Variants in SS18L2 observed in about 807,000 individuals in gnomAD.
SS18L2 encodes SS18-like protein 2.
Under a neutral mutation model 10.3 loss-of-function variants are expected in SS18L2, and 8 were observed. The observed-to-expected ratio is 0.78, with a 90% CI of 0.46 to 1.41. SS18L2 has a LOEUF of 1.41. Among genes scored for constraint, SS18L2 ranks in the 40% most tolerant of loss-of-function variants. SS18L2 has a pLI of 0.00. For synonymous variants in SS18L2, 41 were observed against 34.6 expected, an observed-to-expected ratio of 1.19 and a Z score of -0.65; for missense variants, 100 against 96.2, an observed-to-expected ratio of 1.04 and a Z score of -0.17.
intron 2 of SS18L2, among the ~76,000 whole-genome samples, chr3:42,591,810 T>C (rs1317873289): frequency 2.0e-5 from 3 of 152,326 alleles, no homozygotes; most frequent in South Asian, 2.1e-4. Context: ...TGGCTCTTTC[T>C]TCAAAATGTG....
At chr3:42,585,198 G>C (rs1032346046) in intron 1 of SS18L2, among the ~76,000 whole-genome samples, 1 of 152,196 alleles carries the variant, frequency 6.6e-6, no homozygotes, top group Non-Finnish European at 1.5e-5. Flanking sequence ...AACTTGTGGT[G>C]CGAGTGCTTT....
chr3:42,591,196 C>CCTT, intron 1 of SS18L2: 1 of 523,792 alleles, frequency 1.9e-6, no homozygotes, highest in South Asian at 2.3e-5. Context: ...CTAACCCTTT[C>CCTT]TCTCCTTTTT....
At chr3:42,584,930 C>A (rs1704563026) in intron 1 of SS18L2, among the ~76,000 whole-genome samples, 1 of 152,046 alleles carries the variant, frequency 6.6e-6, no homozygotes, top group African/African-American at 2.4e-5. Context: ...GGTCAGGGAC[C>A]AGCCTGTCCA....
intron 1 of SS18L2, among the ~76,000 whole-genome samples, chr3:42,583,188 A>G (rs867259417): frequency 3.9e-5 from 6 of 152,364 alleles, no homozygotes; most frequent in Middle Eastern, 6.8e-3. Context: ...TTTGGCTGCT[A>G]AAGTGCAGAT....
At chr3:42,589,828 G>A (rs1162889550), upstream of SS18L2, among the ~76,000 whole-genome samples, 1 of 152,202 alleles carries the variant, frequency 6.6e-6, no homozygotes, top group Non-Finnish European at 1.5e-5. Flanking sequence ...GGGGACCACT[G>A]GTCTAGAAGA....
chr3:42,590,713 C>T, upstream of SS18L2: 2 of 671,862 alleles, frequency 3.0e-6, no homozygotes, highest in South Asian at 1.7e-5. Flanking sequence ...ACGAAAACGC[C>T]CCCGGCGTTC....
chr3:42,586,839 G>A (rs746213879), upstream of SS18L2, among the ~76,000 whole-genome samples: 5 of 152,098 alleles, frequency 3.3e-5, no homozygotes, highest in African/African-American at 9.7e-5. Flanking sequence ...CCTCAACATC[G>A]TTTGACATCA....
chr3:42,590,726 G>A (rs1704791927), upstream of SS18L2: 1 of 716,336 alleles, frequency 1.4e-6, no homozygotes, highest in East Asian at 2.5e-5. Flanking sequence ...CGGCGTTCTG[G>A]GGGCTGGGAC....
chr3:42,582,548 T>C (rs1704453127), intron 1 of SS18L2, among the ~76,000 whole-genome samples: 1 of 152,240 alleles, frequency 6.6e-6, no homozygotes, highest in African/African-American at 2.4e-5. Flanking sequence ...ATTTAGCAAG[T>C]ATTGAGCACC....
intron 2 of SS18L2, among the ~76,000 whole-genome samples, chr3:42,592,038 A>C (rs1406508004): frequency 1.3e-5 from 2 of 152,188 alleles, no homozygotes; most frequent in Non-Finnish European, 2.9e-5. Flanking sequence ...TCAGTCTGTT[A>C]GTGACACACA....
chr3:42,592,392 G>C (rs1704882279), intron 2 of SS18L2, among the ~76,000 whole-genome samples: 1 of 152,040 alleles, frequency 6.6e-6, no homozygotes, highest in Non-Finnish European at 1.5e-5. Context: ...TAGAGACAGG[G>C]TTTCACCATG....
At chr3:42,583,710 T>C (rs760151457) in intron 1 of SS18L2, among the ~76,000 whole-genome samples, 1 of 152,176 alleles carries the variant, frequency 6.6e-6, no homozygotes, top group African/African-American at 2.4e-5. Flanking sequence ...TCATCTAATA[T>C]GCGCAGGCAC....
chr3:42,590,280 T>C (rs1704773055), upstream of SS18L2, among the ~76,000 whole-genome samples: 1 of 152,116 alleles, frequency 6.6e-6, no homozygotes, highest in Non-Finnish European at 1.5e-5. Flanking sequence ...CACAGAGTGA[T>C]GTAGAGAGGA....
rs1430159235 is a variant in SS18L2 at position 42,591,159 on chromosome 3, C to T, written c.69+193C>T. ...GCAGGACCCCGGCATGGGGTTCGGTCCCCCGCCGTCCAGACGTCACACTGC... is the reference window on the plus strand; with the variant it reads ...GCAGGACCCCGGCATGGGGTTCGGTTCCCCGCCGTCCAGACGTCACACTGC... On this transcript the variant is annotated intron_variant, in intron 1 of 2. Transcript: ENST00000011691. 4.7e-6 allele frequency: 3 copies of T among 639,316 alleles called. No homozygotes were observed. In the Admixed American group the frequency reaches 7.7e-5, roughly 16 times the overall value. 39.6% of individuals were successfully genotyped at this position (639,316 alleles called of 1,614,324 possible). A position where few individuals can be genotyped will look rare whatever the true frequency, so the allele number is the denominator to read the frequency against.
At chr3:42,591,706 G>C (rs1399587589) in intron 2 of SS18L2, 105 bp downstream of exon 2, 5 of 826,520 alleles carry the variant, frequency 6.0e-6, no homozygotes, top group Non-Finnish European at 8.2e-6. Context: ...TCGCAGTTAA[G>C]CCCCTCTTTG....
In SS18L2 at chr3:42,594,402, G is replaced by A. The variant is rs1704967214; in HGVS notation, c.147-20G>A. ...CGGTAAAAACAAGCCTCTGATTTTT[G>A]CCTGTTTTTTTGCCCATAGGTACCA... is the stretch of plus-strand genomic sequence containing the variant. On this transcript the variant is annotated intron_variant, in intron 2 of 2. Coordinates refer to ENST00000011691, the MANE Select transcript of SS18L2 (RefSeq NM_001370300.1). 1.9e-6 allele frequency: 3 copies of A among 1,596,932 alleles called. No individual in the cohort carries two copies. Among genetic ancestry groups the A allele is most frequent in the African/African-American group, 2.7e-5 (2 of 74,316 alleles).
intron 1 of SS18L2, 143 bp downstream of exon 1, chr3:42,591,109 G>A (rs1453793927): frequency 6.3e-6 from 6 of 956,838 alleles, no homozygotes; most frequent in African/African-American, 1.6e-5. Context: ...GGTGAGATGG[G>A]CACGAAATCA....
chr3:42,594,536 C>G lies in SS18L2; in HGVS notation c.*27C>G. The G allele has an allele frequency of 6.3e-7, 1 of 1,593,114 alleles. No individual in the cohort carries two copies. The highest frequency in any genetic ancestry group is 1.1e-5 in the South Asian group (1 of 90,434). ...CTTTCAAAAGCAATAGAATAATCTTCCATTTGGCTGTCGTGAGGAGTAATT... is the reference window on the plus strand; with the variant it reads ...CTTTCAAAAGCAATAGAATAATCTTGCATTTGGCTGTCGTGAGGAGTAATT... On this transcript the variant is annotated 3_prime_UTR_variant, in exon 3 of 3. Coordinates refer to ENST00000011691, the MANE Select transcript of SS18L2 (RefSeq NM_001370300.1).
upstream of SS18L2, among the ~76,000 whole-genome samples, chr3:42,589,656 T>C (rs1235139806): frequency 6.6e-6 from 1 of 152,134 alleles, no homozygotes; most frequent in East Asian, 1.9e-4. Context: ...GTGAACCCTA[T>C]TGTGAACTGG....
Sources: gnomAD v4.1 joint callset for allele counts (sites outside exome capture counted in the v4.1 genomes callset) on GRCh38, gnomAD v4.1.1 for gene constraint, MANE v1.5 for transcripts, NCBI Gene and HGNC (gene_info 2026-07-23, HGNC 2026-07-21) for gene names.